The following SCPEP1 variants were observed in gnomAD, a reference collection of about 807,000 sequenced individuals.
SCPEP1 encodes the protein serine carboxypeptidase 1, also known as retinoid-inducible serine carboxypeptidase.
SCPEP1 carries 51 observed loss-of-function variants against 63.8 expected under a neutral mutation model. The ratio of observed to expected loss-of-function variants is 0.80; its 90% CI spans 0.64 to 1.01. SCPEP1 has a LOEUF of 1.01. SCPEP1 is among the 50% of genes least tolerant of loss of function. The pLI is 0.00. For synonymous variants in SCPEP1, 204 were observed against 207.8 expected (o/e 0.98, Z 0.16); for missense variants, 499 against 554.9 (o/e 0.90, Z 1.01).
intron 6 of SCPEP1, among the ~76,000 whole-genome samples, chr17:56,991,568 TG>T (rs1288148011): frequency 2.0e-5 from 3 of 152,182 alleles, no homozygotes; most frequent in African/African-American, 7.2e-5. Context: ...CATAAGTGTT[TG>T]GGGTAAAATT....
At chr17:56,998,687 G>A (rs1235995292) in intron 10 of SCPEP1, among the ~76,000 whole-genome samples, 189 bp downstream of exon 10, 1 of 152,178 alleles carries the variant, frequency 6.6e-6, no homozygotes, top group Non-Finnish European at 1.5e-5. Context: ...TGTCAGGGCT[G>A]GATGCAGTGG....
At chr17:56,985,221 T>G (rs1424632006) in intron 2 of SCPEP1, 157 bp from the exon 3 acceptor site, 3 of 634,828 alleles carry the variant, frequency 4.7e-6, no homozygotes, top group Non-Finnish European at 8.4e-6. Context: ...GGAGCTTTGC[T>G]AATGTGGAAG....
At chr17:56,982,695 G>A (rs1224970752) in intron 2 of SCPEP1, 1 of 152,052 alleles carries the variant, frequency 6.6e-6, no homozygotes, top group Non-Finnish European at 1.5e-5. Context: ...GTCTAATCTG[G>A]GAGATTTTGG....
intron 1 of SCPEP1, among the ~76,000 whole-genome samples, chr17:56,979,489 T>A (rs1598111420): frequency 6.7e-6 from 1 of 148,210 alleles, no homozygotes; most frequent in Non-Finnish European, 1.5e-5. Context: ...TTTCCCAGAG[T>A]GGTTTTGGAG....
rs1911282474 is a variant in SCPEP1, at chr17:56,988,204, T to C, written c.472-12T>C. Reference sequence around the variant, plus strand: ...AAGGTAGTTAATTCTGTGTAATTCCTTTTCTTGCTAGACAGTTCCATTCTA... The same window carrying C: ...AAGGTAGTTAATTCTGTGTAATTCCCTTTCTTGCTAGACAGTTCCATTCTA... On this transcript the variant is annotated splice_polypyrimidine_tract_variant and intron_variant, in intron 4 of 12. Transcript: ENST00000262288. 6.3e-7 allele frequency: 1 copy of C among 1,582,824 alleles called. No individual in the cohort carries two copies. The highest frequency in any genetic ancestry group is 8.6e-7 in the Non-Finnish European group (1 of 1,163,664).
At chr17:56,997,149 T>A in intron 9 of SCPEP1, 94 bp downstream of exon 9, 2 of 723,932 alleles carry the variant, frequency 2.8e-6, no homozygotes, top group Non-Finnish European at 4.4e-6. Context: ...TATTAACATA[T>A]AATTTGCATA....
At chr17:57,002,727 C>T (rs977797644) in intron 12 of SCPEP1, among the ~76,000 whole-genome samples, 6 of 151,460 alleles carry the variant, frequency 4.0e-5, no homozygotes, top group South Asian at 2.1e-4. Flanking sequence ...AAAAATCAAC[C>T]GGGCACGGTG....
At chr17:56,997,133 A>C (rs377353958) in intron 9 of SCPEP1, 78 bp downstream of exon 9, 28 of 910,112 alleles carry the variant, frequency 3.1e-5, no homozygotes, top group South Asian at 7.6e-5. Flanking sequence ...AAAAAAAAAA[A>C]AACTTTATTA....
At position 56,998,179 on chromosome 17, in the gene SCPEP1, C is replaced by T. The variant is rs370963791; in HGVS notation, c.881-206C>T. 979 of 454,020 alleles carry T rather than the reference C, an allele frequency of 2.2e-3. 14 individuals are homozygous for T. Among genetic ancestry groups the T allele is most frequent in the South Asian group, 0.02 (905 of 45,642 alleles). 28.1% of individuals were successfully genotyped at this position (454,020 alleles called of 1,614,324 possible). A position where few individuals can be genotyped will look rare whatever the true frequency, so the allele number is the denominator to read the frequency against. On this transcript the variant is annotated intron_variant, in intron 9 of 12. Coordinates refer to ENST00000262288, the MANE Select transcript of SCPEP1 (RefSeq NM_021626.3). ...TACAAAAATGAGCTGGGCATGGTGG[C>T]GGGTGCCTGTAGTTCCAGCTACTCG...
At chr17:56,999,525 T>C (rs1911676819) in intron 10 of SCPEP1, among the ~76,000 whole-genome samples, 1 of 152,184 alleles carries the variant, frequency 6.6e-6, no homozygotes, top group South Asian at 2.1e-4. Flanking sequence ...CTGCGGCTGC[T>C]GCTGGGAGCC....
chr17:56,997,377 G>A (rs145275180), intron 9 of SCPEP1, among the ~76,000 whole-genome samples: 2 of 152,210 alleles, frequency 1.3e-5, no homozygotes, highest in Non-Finnish European at 1.5e-5. Context: ...AAATACAATC[G>A]CACAATAGTT....
At chr17:56,997,720 C>T (rs747574211) in intron 9 of SCPEP1, among the ~76,000 whole-genome samples, 2 of 151,962 alleles carry the variant, frequency 1.3e-5, no homozygotes, top group Non-Finnish European at 1.5e-5. Context: ...AGTTCCCTAC[C>T]AACCCCTTAT....
chr17:56,991,111 G>A lies in SCPEP1; in HGVS notation c.559G>A (p.Gly187Arg). 1 of 1,613,890 alleles carries A rather than the reference G, an allele frequency of 6.2e-7. No homozygotes were observed. Reference protein sequence around the residue: ...GLELYKAIQRGTIKCNFAGVA... With the variant: ...GLELYKAIQRRTIKCNFAGVA... ...TTTCCTCTTTCAGGCCATTCAGCGA[G>A]GGACCATCAAGTGCAACTTTGCGGG... Residue 187 changes from glycine (G) to arginine (R), a missense_variant, in exon 6 of 13, where the codon GGG (glycine) becomes AGG (arginine). Physicochemically the swap from Gly to Arg is moderately radical, Grantham distance 125 (BLOSUM62 -2). Transcript: ENST00000262288.
At chr17:56,997,262 C>T in intron 9 of SCPEP1, 1 of 407,648 alleles carries the variant, frequency 2.5e-6, no homozygotes, top group Non-Finnish European at 4.3e-6. Context: ...CCAAGGAGAT[C>T]CCACGTGTCT....
At chr17:57,002,874 CAA>C (rs59205865) in intron 12 of SCPEP1, among the ~76,000 whole-genome samples, 31 of 107,050 alleles carry the variant, frequency 2.9e-4, no homozygotes, top group Non-Finnish European at 3.3e-4. Flanking sequence ...GACCCTGTCT[CAA>C]AAAAAAAAAA....
Position 56,978,216 on chromosome 17 carries a change from G to T in SCPEP1, c.57G>T (p.Leu19=). The part of the protein sequence containing the change: ...PVPRWLLLLP[L]LLGLNAGAVI... Reference sequence around the variant, plus strand: ...CGCGGTGGTTGCTGCTGCTGCCGCTGCTGCTGGGCCTGAACGCAGGTAGGT... The same window carrying T: ...CGCGGTGGTTGCTGCTGCTGCCGCTTCTGCTGGGCCTGAACGCAGGTAGGT... Residue 19 remains leucine (L), a synonymous_variant, in exon 1 of 13, where the codon CTG becomes CTT. Transcript: ENST00000262288. 1 of 1,557,808 alleles carries T rather than the reference G, an allele frequency of 6.4e-7. No individual in the cohort carries two copies. Among genetic ancestry groups the T allele is most frequent in the Non-Finnish European group, 8.6e-7 (1 of 1,157,444 alleles).
intron 10 of SCPEP1, among the ~76,000 whole-genome samples, chr17:56,999,039 T>C (rs1197386108): frequency 2.0e-5 from 3 of 152,044 alleles, no homozygotes; most frequent in South Asian, 2.1e-4. Context: ...TAATGTGTAA[T>C]TGGTTGTGAG....
rs1831103644 is a variant in SCPEP1 at position 56,978,250 on chromosome 17, G to C, written c.76+15G>C. On this transcript the variant is annotated intron_variant, in intron 1 of 12. Transcript: ENST00000262288. ...CCTGAACGCAGGTAGGTTCAAGCAA[G>C]AGGCGCACCAGCTGCCATGCCTCTT... 6.5e-7 allele frequency: 1 copy of C among 1,527,608 alleles called. No individual in the cohort carries two copies. Among genetic ancestry groups the C allele is most frequent in the Non-Finnish European group, 8.8e-7 (1 of 1,139,966 alleles). The allele number at this position is 1,527,608 out of a possible 1,614,324, so 94.6% of individuals were successfully genotyped here. A position where few individuals can be genotyped will look rare whatever the true frequency, so the allele number is the denominator to read the frequency against.
At chr17:56,978,979 G>A (rs1910992105) in intron 1 of SCPEP1, among the ~76,000 whole-genome samples, 1 of 152,208 alleles carries the variant, frequency 6.6e-6, no homozygotes, top group South Asian at 2.1e-4. Context: ...AGTGCCTGGG[G>A]TTAGGTCAAA....
Sources: gnomAD v4.1 joint callset for allele counts (sites outside exome capture counted in the v4.1 genomes callset) on GRCh38, gnomAD v4.1.1 for gene constraint, MANE v1.5 for transcripts, NCBI Gene and HGNC (gene_info 2026-07-23, HGNC 2026-07-21) for gene names.